Variants in BACH2 observed in about 807,000 individuals in gnomAD.
The protein encoded by BACH2 is BACH transcriptional regulator 2.
BACH2 carries 5 observed loss-of-function variants against 61.8 expected under a neutral mutation model. That is an observed-to-expected ratio of 0.08 (90% CI 0.04 to 0.17). BACH2 has a LOEUF of 0.17. Ranked by LOEUF, BACH2 falls within the 10% of genes least tolerant of loss-of-function variation. The probability of loss-of-function intolerance (pLI) is 1.00; values close to 1 mark genes in which losing one functional copy is unlikely to be tolerated. For synonymous variants in BACH2, 446 were observed against 440.1 expected (o/e 1.01, Z -0.17); for missense variants, 824 against 1,091.1 (o/e 0.76, Z 3.45).
intron 4 of BACH2, among the ~76,000 whole-genome samples, chr6:90,130,474 G>C (rs1466220457): frequency 6.6e-6 from 1 of 152,222 alleles, no homozygotes; most frequent in South Asian, 2.1e-4. Context: ...TTATCATTCA[G>C]TAGAGTATGA....
chr6:90,094,861 T>TACAC lies in BACH2; in HGVS notation c.-161-5756_-161-5753dup, dbSNP rs111697212. Among the ~76,000 whole-genome samples, 853 of 150,776 alleles carry TACAC rather than the reference T, an allele frequency of 5.7e-3. 11 individuals carry two copies. Among genetic ancestry groups the TACAC allele is most frequent in the African/African-American group, 0.019 (774 of 41,128 alleles). On this transcript the variant is annotated intron_variant, in intron 4 of 8. Transcript: ENST00000257749. ...CTAATAAGTGACTCTTCCACAACTA[T>TACAC]ACACACACACACACACACTTTTTTC...
intron 5 of BACH2, among the ~76,000 whole-genome samples, chr6:90,074,644 G>A (rs1046815087): frequency 6.6e-6 from 1 of 152,160 alleles, no homozygotes; most frequent in African/African-American, 2.4e-5. Context: ...TTCGAGATAT[G>A]CTTTCCTTGG....
chr6:90,085,155 T>C (rs963578082), intron 5 of BACH2, among the ~76,000 whole-genome samples: 6 of 152,178 alleles, frequency 3.9e-5, no homozygotes, highest in African/African-American at 1.4e-4. Flanking sequence ...ATAATACCCA[T>C]AAGTACAGAG....
At chr6:89,990,528 T>G (rs977421877) in intron 6 of BACH2, among the ~76,000 whole-genome samples, 6 of 152,118 alleles carry the variant, frequency 3.9e-5, no homozygotes, top group African/African-American at 1.4e-4. Flanking sequence ...ACTGGCTTTT[T>G]TTTTTCTTTA....
intron 4 of BACH2, among the ~76,000 whole-genome samples, chr6:90,111,011 T>C (rs984048445): frequency 2.6e-5 from 4 of 152,222 alleles, no homozygotes; most frequent in Non-Finnish European, 5.9e-5. Context: ...TGTAAGCATG[T>C]GCTGGTGAAG....
chr6:90,217,612 G>T (rs778859110), intron 3 of BACH2, among the ~76,000 whole-genome samples: 3 of 152,050 alleles, frequency 2.0e-5, no homozygotes, highest in Non-Finnish European at 1.5e-5. Flanking sequence ...TGTACATTTA[G>T]ATAATCTACT....
chr6:89,959,924 C>T (rs1338480239), intron 6 of BACH2, among the ~76,000 whole-genome samples: 3 of 152,242 alleles, frequency 2.0e-5, no homozygotes, highest in South Asian at 2.1e-4. Context: ...GGCATGAAGA[C>T]GCTGTGGCTC....
chr6:89,944,136 C>T lies in BACH2; in HGVS notation c.1837-5786G>A, dbSNP rs1390634215. ...GGACACCTGGGATTCAGTTGTGATA[C>T]GTCAATTAATTAGTTGTGTGATCTC... On this transcript the variant is annotated intron_variant, in intron 7 of 8. Transcript: ENST00000257749. Among the ~76,000 whole-genome samples the T allele has an allele frequency of 4.6e-5, 7 of 152,204 alleles. No homozygotes were observed. The East Asian group carries it at 1.3e-3, about 29-fold the overall frequency.
At chr6:90,058,306 A>G (rs1289219022) in intron 5 of BACH2, among the ~76,000 whole-genome samples, 1 of 152,232 alleles carries the variant, frequency 6.6e-6, no homozygotes, top group Non-Finnish European at 1.5e-5. Flanking sequence ...TACAAAATCC[A>G]CAAGCATTCT....
chr6:90,189,614 CAAAAAAAA>C (rs59022545), intron 4 of BACH2, among the ~76,000 whole-genome samples: 7 of 47,770 alleles, frequency 1.5e-4, no homozygotes, highest in East Asian at 1.4e-3. Flanking sequence ...GACTCCGTCT[CAAAAAAAA>C]AAAAAAAAAA....
intron 6 of BACH2, among the ~76,000 whole-genome samples, chr6:89,973,828 T>G (rs952215172): frequency 6.6e-6 from 1 of 152,108 alleles, no homozygotes; most frequent in African/African-American, 2.4e-5. Context: ...AATGTCTTCA[T>G]GTGATCAACT....
At chr6:90,145,088 C>A (rs1406556026) in intron 4 of BACH2, among the ~76,000 whole-genome samples, 1 of 152,094 alleles carries the variant, frequency 6.6e-6, no homozygotes, top group African/African-American at 2.4e-5. Flanking sequence ...GTGGTGATTG[C>A]AGATGCAGTT....
At chr6:90,188,902 AC>A (rs1457153254) in intron 4 of BACH2, among the ~76,000 whole-genome samples, 1 of 152,130 alleles carries the variant, frequency 6.6e-6, no homozygotes, top group Non-Finnish European at 1.5e-5. Flanking sequence ...TTGTGGGCTC[AC>A]CCTGGAGAAT....
chr6:90,008,407 A>G lies in BACH2; in HGVS notation c.243+195T>C, dbSNP rs922530547. ...TGAGGTTCAGTTCCCTTCAAGAAAG[A>G]TATTCACATTCTGTGCCTCTGAGAC... On this transcript the variant is annotated intron_variant, in intron 6 of 8. Coordinates refer to ENST00000257749, the MANE Select transcript of BACH2 (RefSeq NM_021813.4). This position sits in a 1 kb window ranked among gnomAD's most constrained non-coding sequence, Gnocchi z 4.1. 1.5e-6 allele frequency: 1 copy of G among 676,914 alleles called. No individual in the cohort carries two copies. The highest frequency in any genetic ancestry group is 2.5e-6 in the Non-Finnish European group (1 of 407,594). The allele number at this position is 676,914 out of a possible 1,614,324, so 41.9% of individuals were successfully genotyped here. A position where few individuals can be genotyped will look rare whatever the true frequency, so the allele number is the denominator to read the frequency against.
intron 2 of BACH2, among the ~76,000 whole-genome samples, chr6:90,266,881 A>T (rs1268105463): frequency 2.6e-5 from 4 of 152,134 alleles, no homozygotes; most frequent in African/African-American, 9.7e-5. Context: ...TGAATTGTAC[A>T]CTTGAGGAGG....
intron 1 of BACH2, among the ~76,000 whole-genome samples, chr6:90,292,424 C>T (rs779115727): frequency 6.6e-6 from 1 of 152,216 alleles, no homozygotes; most frequent in African/African-American, 2.4e-5. Flanking sequence ...CAAGTTACCC[C>T]ATCTGGTCAG....
intron 2 of BACH2, among the ~76,000 whole-genome samples, chr6:90,263,496 G>A (rs1257604414): frequency 1.3e-5 from 2 of 152,182 alleles, no homozygotes; most frequent in Admixed American, 6.5e-5. Context: ...TTTGTTTAAT[G>A]TTCTATAAGC....
intron 8 of BACH2, among the ~76,000 whole-genome samples, chr6:89,936,049 G>A (rs897743726): frequency 7.9e-5 from 12 of 152,224 alleles, no homozygotes; most frequent in African/African-American, 2.7e-4. Context: ...TAGTCACAAT[G>A]TCCAGCGAAT....
intron 4 of BACH2, among the ~76,000 whole-genome samples, chr6:90,194,389 A>G (rs1427020117): frequency 6.6e-6 from 1 of 152,158 alleles, no homozygotes; most frequent in Admixed American, 6.5e-5. Context: ...ACTTAGAGTT[A>G]TAGTTCAAAA....
Sources: gnomAD v4.1 joint callset for allele counts (sites outside exome capture counted in the v4.1 genomes callset) on GRCh38, gnomAD v4.1.1 for gene constraint, Gnocchi (gnomAD v3.1) non-coding constraint, MANE v1.5 for transcripts, NCBI Gene and HGNC (gene_info 2026-07-23, HGNC 2026-07-21) for gene names.